The following GRID2 variants were observed in gnomAD, a reference collection of about 807,000 sequenced individuals.
GRID2 encodes the protein glutamate receptor ionotropic, delta-2.
In GRID2, 33 loss-of-function variants were observed where a neutral mutation model predicts 114.8. That is an observed-to-expected ratio of 0.29 (90% CI 0.22 to 0.38). GRID2 has a LOEUF of 0.38. GRID2 is among the 10% of genes least tolerant of loss of function. The pLI, the probability that GRID2 is intolerant of heterozygous loss-of-function variation, is 1.00. For missense variants in GRID2, 1,184 were observed against 1,257.7 expected (o/e 0.94, Z 0.89); for synonymous variants, 505 against 449.9 (o/e 1.12, Z -1.55).
chr4:92,950,696 G>C (rs1026850179), intron 2 of GRID2, among the ~76,000 whole-genome samples: 1 of 152,052 alleles, frequency 6.6e-6, no homozygotes, highest in African/African-American at 2.4e-5. Flanking sequence ...CATGAAAATT[G>C]GTCCTTAATT....
intron 3 of GRID2, among the ~76,000 whole-genome samples, chr4:93,088,279 C>T (rs1278722327): frequency 6.6e-6 from 1 of 152,086 alleles, no homozygotes; most frequent in African/African-American, 2.4e-5. Context: ...TGATTCAAGA[C>T]ACATTTTAAA....
At chr4:92,990,768 G>T (rs2149203242) in intron 2 of GRID2, among the ~76,000 whole-genome samples, 1 of 151,996 alleles carries the variant, frequency 6.6e-6, no homozygotes, top group South Asian at 2.1e-4. Flanking sequence ...AAGAACAAAA[G>T]ATGACAGCCC....
chr4:93,799,438 CTTT>C (rs749961644), intron 1 of GRID2, among the ~76,000 whole-genome samples: 6 of 145,576 alleles, frequency 4.1e-5, no homozygotes, highest in Admixed American at 2.1e-4. Flanking sequence ...ACTGCAGCCC[CTTT>C]TTTTTTTTTA....
intron 14 of GRID2, among the ~76,000 whole-genome samples, chr4:93,690,304 T>G (rs78451599): frequency 0.041 from 6,260 of 152,036 alleles, 198 homozygotes; most frequent in African/African-American, 0.081. Context: ...CTGAGGCAGG[T>G]GTGGAGGAAG....
intron 2 of GRID2, among the ~76,000 whole-genome samples, chr4:92,697,613 A>G (rs1018207717): frequency 1.3e-5 from 2 of 152,176 alleles, no homozygotes; most frequent in African/African-American, 4.8e-5. Context: ...TGCCCGTGAG[A>G]TAAAGGGATA....
intron 2 of GRID2, among the ~76,000 whole-genome samples, chr4:93,078,791 TATA>T (rs1253259612): frequency 6.8e-6 from 1 of 146,900 alleles, no homozygotes; most frequent in Non-Finnish European, 1.5e-5. Flanking sequence ...ATATACTAAA[TATA>T]ATTATATTTA....
At chr4:93,002,293 G>A (rs936944206) in intron 2 of GRID2, among the ~76,000 whole-genome samples, 5 of 151,150 alleles carry the variant, frequency 3.3e-5, no homozygotes, top group African/African-American at 1.2e-4. Context: ...TCCAATATTC[G>A]ATTTTTATTA....
intron 8 of GRID2, among the ~76,000 whole-genome samples, chr4:93,304,432 T>C (rs946600298): frequency 3.3e-5 from 5 of 151,906 alleles, no homozygotes; most frequent in Admixed American, 3.3e-4. Flanking sequence ...AGGTGCTTTT[T>C]TCCCCCCTTA....
intron 2 of GRID2, among the ~76,000 whole-genome samples, chr4:92,972,876 G>A (rs921481582): frequency 1.3e-5 from 2 of 152,194 alleles, no homozygotes; most frequent in Admixed American, 1.3e-4. Flanking sequence ...TGCTGTTCCT[G>A]TGTTAGTTGG....
chr4:93,723,585 A>G (rs1042277544), intron 14 of GRID2, among the ~76,000 whole-genome samples: 1 of 152,228 alleles, frequency 6.6e-6, no homozygotes, highest in Admixed American at 6.5e-5. Flanking sequence ...AATGGCTTTT[A>G]TGAACTTTTA....
chr4:93,430,501 T>G lies in GRID2; in HGVS notation c.1545+7533T>G, dbSNP rs1346557281. ...CTGCCTATAAATATTTCAAAACATA[T>G]GCCACTTAACATGTGTTAATCACAT... On this transcript the variant is annotated intron_variant, in intron 10 of 15. Transcript: ENST00000282020. Among the ~76,000 whole-genome samples the G allele has an allele frequency of 2.6e-5, 4 of 152,370 alleles. No individual in the cohort carries two copies. The East Asian group carries it at 7.7e-4, about 29-fold the overall frequency.
chr4:93,287,075 T>G (rs1753254039), intron 8 of GRID2, among the ~76,000 whole-genome samples: 1 of 152,010 alleles, frequency 6.6e-6, no homozygotes, highest in Admixed American at 6.6e-5. Flanking sequence ...TCAGTAAAAA[T>G]TGTTCTCCTT....
At chr4:93,689,536 C>G (rs184459987) in intron 14 of GRID2, among the ~76,000 whole-genome samples, 1 of 151,984 alleles carries the variant, frequency 6.6e-6, no homozygotes, top group African/African-American at 2.4e-5. Flanking sequence ...AAATGAGTGA[C>G]TCTGCCCATC....
chr4:93,240,726 C>T (rs1295233165), intron 8 of GRID2, among the ~76,000 whole-genome samples: 2 of 150,718 alleles, frequency 1.3e-5, no homozygotes, highest in Non-Finnish European at 3.0e-5. Context: ...ACAGTTCTGC[C>T]TTCCAAATTA....
chr4:92,380,758 T>C (rs1579269058), intron 1 of GRID2, among the ~76,000 whole-genome samples: 1 of 152,192 alleles, frequency 6.6e-6, no homozygotes, highest in East Asian at 1.9e-4. Flanking sequence ...AGTTCACTCT[T>C]CAGGGTACAA....
intron 1 of GRID2, among the ~76,000 whole-genome samples, chr4:92,469,823 CA>C (rs1202072728): frequency 6.6e-6 from 1 of 150,864 alleles, no homozygotes. Flanking sequence ...AAAAACAAAA[CA>C]AAATAAAATA....
chr4:93,549,162 G>A (rs2149539646), intron 13 of GRID2, among the ~76,000 whole-genome samples: 1 of 152,160 alleles, frequency 6.6e-6, no homozygotes, highest in Non-Finnish European at 1.5e-5. Context: ...GAAAATAACT[G>A]AGCTATCATT....
intron 2 of GRID2, among the ~76,000 whole-genome samples, chr4:92,958,200 G>A (rs1313369265): frequency 1.3e-5 from 2 of 151,970 alleles, no homozygotes; most frequent in Non-Finnish European, 2.9e-5. Context: ...AGAGTGGTGA[G>A]AGTTAACCTT....
intron 12 of GRID2, among the ~76,000 whole-genome samples, chr4:93,498,098 C>G (rs569755264): frequency 6.6e-6 from 1 of 151,826 alleles, no homozygotes; most frequent in Non-Finnish European, 1.5e-5. Context: ...CTTGGTATCT[C>G]GATCCATTTG....
Sources: gnomAD v4.1 joint callset for allele counts (sites outside exome capture counted in the v4.1 genomes callset) on GRCh38, gnomAD v4.1.1 for gene constraint, MANE v1.5 for transcripts, NCBI Gene and HGNC (gene_info 2026-07-23, HGNC 2026-07-21) for gene names.